Variants in EML4 observed in about 807,000 individuals in gnomAD.
The protein encoded by EML4 is EMAP like 4.
In EML4, 72 loss-of-function variants were observed where a neutral mutation model predicts 129.0. The observed-to-expected ratio is 0.56, with a 90% CI of 0.46 to 0.68. EML4 has a LOEUF of 0.68. EML4 is among the 30% of genes least tolerant of loss of function. EML4 has a pLI of 0.00. For missense variants in EML4, 1,363 were observed against 1,190.6 expected (o/e 1.14, Z -2.13); for synonymous variants, 532 against 405.0 (o/e 1.31, Z -3.77).
chr2:42,309,444 A>AAC (rs1431086103), intron 17 of EML4, among the ~76,000 whole-genome samples: 1 of 151,394 alleles, frequency 6.6e-6, no homozygotes, highest in Non-Finnish European at 1.5e-5. Flanking sequence ...AAAAAAAAAA[A>AAC]AAATTTTTTT....
intron 14 of EML4, 55 bp downstream of exon 14, chr2:42,301,447 G>A (rs1313461522): frequency 2.2e-6 from 3 of 1,353,702 alleles, no homozygotes; most frequent in Admixed American, 2.8e-5. Context: ...CAGGTATTTT[G>A]TCCCACATTA....
At chr2:42,202,866 A>C (rs1672313429) in intron 1 of EML4, among the ~76,000 whole-genome samples, 1 of 152,080 alleles carries the variant, frequency 6.6e-6, no homozygotes. Flanking sequence ...CATCTCTACA[A>C]AAAATAAAAA....
At chr2:42,277,675 TCTC>T (rs1666734136) in intron 6 of EML4, among the ~76,000 whole-genome samples, 1 of 151,778 alleles carries the variant, frequency 6.6e-6, no homozygotes, top group Non-Finnish European at 1.5e-5. Flanking sequence ...TTCAAGCAAT[TCTC>T]CTGCCTCAGC....
chr2:42,200,097 C>A (rs368670002), intron 1 of EML4, among the ~76,000 whole-genome samples: 2 of 141,788 alleles, frequency 1.4e-5, no homozygotes, highest in Admixed American at 1.6e-4. Context: ...ATCGCGAAGT[C>A]AGGAGATTGA....
At chr2:42,235,024 G>A (rs1480033598) in intron 1 of EML4, among the ~76,000 whole-genome samples, 3 of 152,070 alleles carry the variant, frequency 2.0e-5, no homozygotes, top group African/African-American at 7.2e-5. Context: ...GGTCAGGCAT[G>A]GTGGCTCATG....
intron 13 of EML4, among the ~76,000 whole-genome samples, chr2:42,298,013 A>G (rs1032219971): frequency 6.6e-6 from 1 of 152,194 alleles, no homozygotes; most frequent in Non-Finnish European, 1.5e-5. Flanking sequence ...TTTCCTACAC[A>G]TATGAAATAG....
intron 6 of EML4, among the ~76,000 whole-genome samples, chr2:42,267,919 G>A (rs945384383): frequency 6.6e-6 from 1 of 152,180 alleles, no homozygotes; most frequent in East Asian, 1.9e-4. Context: ...ATTGTTAGAG[G>A]TAGCAGTTAG....
intron 1 of EML4, among the ~76,000 whole-genome samples, chr2:42,244,376 C>T (rs1427993783): frequency 1.3e-5 from 2 of 152,130 alleles, no homozygotes; most frequent in Non-Finnish European, 2.9e-5. Flanking sequence ...GGATTACAGG[C>T]ATGAGCCACC....
intron 19 of EML4, among the ~76,000 whole-genome samples, chr2:42,324,580 T>A (rs545279760): frequency 6.6e-6 from 1 of 152,156 alleles, no homozygotes; most frequent in Non-Finnish European, 1.5e-5. Flanking sequence ...GATAGCACCA[T>A]TGTACTCCAG....
At chr2:42,178,984 G>C (rs552599962) in intron 1 of EML4, among the ~76,000 whole-genome samples, 23 of 152,300 alleles carry the variant, frequency 1.5e-4, no homozygotes, top group Non-Finnish European at 1.5e-5. Flanking sequence ...TGAGAAGCAG[G>C]TTGTCTGCAT....
intron 1 of EML4, among the ~76,000 whole-genome samples, chr2:42,209,291 ACTTT>A (rs1328709551): frequency 6.7e-6 from 1 of 149,120 alleles, no homozygotes; most frequent in Admixed American, 6.6e-5. Context: ...GTGTACTTTA[ACTTT>A]CTTTCAATAC....
intron 1 of EML4, among the ~76,000 whole-genome samples, chr2:42,215,907 A>G (rs1673155605): frequency 6.6e-6 from 1 of 152,116 alleles, no homozygotes; most frequent in Admixed American, 6.5e-5. Flanking sequence ...GAAAAGGAGA[A>G]ACTCATTTAT....
chr2:42,254,718 A>G (rs995376031), intron 2 of EML4, among the ~76,000 whole-genome samples: 4 of 152,094 alleles, frequency 2.6e-5, no homozygotes, highest in Non-Finnish European at 5.9e-5. Context: ...TGGCGCAGCC[A>G]CTGTGTTTGG....
intron 6 of EML4, among the ~76,000 whole-genome samples, chr2:42,269,482 T>G (rs1666251568): frequency 6.6e-6 from 1 of 152,188 alleles, no homozygotes; most frequent in Non-Finnish European, 1.5e-5. Context: ...TGTTGAACTG[T>G]GTGGAACTTA....
chr2:42,243,322 G>C (rs1675163071), intron 1 of EML4, among the ~76,000 whole-genome samples: 1 of 151,606 alleles, frequency 6.6e-6, no homozygotes, highest in African/African-American at 2.4e-5. Flanking sequence ...AAAGAATATA[G>C]ATCAGCTAGA....
At chr2:42,260,118 G>T (rs1450250397) in intron 3 of EML4, among the ~76,000 whole-genome samples, 1 of 151,538 alleles carries the variant, frequency 6.6e-6, no homozygotes. Context: ...TCCTGCCTTG[G>T]CCTCGCAAAG....
chr2:42,291,669 G>A (rs994249594), intron 11 of EML4, among the ~76,000 whole-genome samples: 2 of 151,994 alleles, frequency 1.3e-5, no homozygotes, highest in Non-Finnish European at 1.5e-5. Context: ...GCCTCCCAAA[G>A]TGCTGGGATT....
Position 42,264,935 on chromosome 2 carries a change from C to T in EML4, c.667+204C>T, listed in dbSNP as rs542467913. The T allele has an allele frequency of 3.5e-4, 539 of 1,549,714 alleles. 1 individual carries two copies. The African/African-American group carries it at 4.1e-3, about 12-fold the overall frequency. ...CTCAACCAGCAAAAATGTCAACTCG[C>T]GAAAAAAACAGCCAAGGTAAGAATA... On this transcript the variant is annotated intron_variant, in intron 6 of 22. Coordinates refer to ENST00000318522, the MANE Select transcript of EML4 (RefSeq NM_019063.5).
intron 6 of EML4, among the ~76,000 whole-genome samples, chr2:42,273,548 C>G (rs574938150): frequency 1.3e-5 from 2 of 152,232 alleles, no homozygotes; most frequent in Admixed American, 1.3e-4. Flanking sequence ...TGTCTCCAAT[C>G]TAAGCTCTTA....
Sources: allele counts gnomAD v4.1 joint callset (sites outside exome capture counted in the v4.1 genomes callset), GRCh38; gene constraint gnomAD v4.1.1; transcripts MANE v1.5; gene names NCBI Gene and HGNC (gene_info 2026-07-23, HGNC 2026-07-21).